Variants in MDM4 observed in about 807,000 individuals in gnomAD.
MDM4 encodes the protein MDM4 regulator of p53.
MDM4 carries 2 observed loss-of-function variants against 60.2 expected under a neutral mutation model. That is an observed-to-expected ratio of 0.03 (90% CI 0.01 to 0.10). The LOEUF (loss-of-function observed/expected upper bound fraction) is 0.10. MDM4 is among the 10% of genes least tolerant of loss of function. MDM4 has a pLI of 1.00. For synonymous variants in MDM4, 202 were observed against 198.1 expected (o/e 1.02, Z -0.17); for missense variants, 447 against 577.5 (o/e 0.77, Z 2.32).
In MDM4 at chr1:204,526,400, C is replaced by T. The variant is rs2102321850; in HGVS notation, c.119C>T (p.Ala40Val). 6.2e-7 allele frequency: 1 copy of T among 1,613,704 alleles called. No individual in the cohort carries two copies. Among genetic ancestry groups the T allele is most frequent in the Non-Finnish European group, 8.5e-7 (1 of 1,179,852 alleles). The change falls in exon 3 of 11, where the codon GCA becomes GTA. Residue 40 changes from alanine to valine, a missense_variant. By Grantham distance (64) the Ala-to-Val change is moderately conservative. Around this residue, in one of 8 missense-constraint regions of MDM4, gnomAD observed 31 missense variants for 87.6 expected, o/e 0.35. Transcript: ENST00000367182. ...CCGCTTTTGAAGATTTTGCATGCAG[C>T]AGGTGCGCAAGGTGAAATGTTCACT... ...KLPLLKILHA[A>V]GAQGEMFTVK...
intron 3 of MDM4, 43 bp from the exon 4 acceptor site, chr1:204,530,641 T>C (rs373360556): frequency 6.3e-7 from 1 of 1,596,178 alleles, no homozygotes; most frequent in South Asian, 1.1e-5. Flanking sequence ...GTGTTTTTGG[T>C]AGCAGCTGGA....
At position 204,538,311 on chromosome 1, in the gene MDM4, A is replaced by G. The variant is rs1055123242; in HGVS notation, c.511+3A>G. The G allele has an allele frequency of 7.3e-6, 11 of 1,500,412 alleles. No homozygotes were observed. Among genetic ancestry groups the G allele is most frequent in the Middle Eastern group, 1.7e-4 (1 of 5,864 alleles). 92.9% of individuals were successfully genotyped at this position (1,500,412 alleles called of 1,614,324 possible). A position where few individuals can be genotyped will look rare whatever the true frequency, so the allele number is the denominator to read the frequency against. On this transcript the variant is annotated splice_donor_region_variant and intron_variant, in intron 7 of 10. Transcript: ENST00000367182. Reference sequence around the variant, plus strand: ...TAAATGCATACATTCTAGAGAAGGTATGTTTTGGATTAAGGCTATATAGAC... The same window carrying G: ...TAAATGCATACATTCTAGAGAAGGTGTGTTTTGGATTAAGGCTATATAGAC...
Position 204,557,858 on chromosome 1 carries a change from C to T in MDM4, c.*8176C>T, listed in dbSNP as rs1663632529. ...GGAAGAAAGCAGCAATTTAAAATAA[C>T]TTTTTGGGAGACTGAATTGAGTAAT... On this transcript the variant is annotated 3_prime_UTR_variant, in exon 11 of 11. Coordinates refer to ENST00000367182, the MANE Select transcript of MDM4 (RefSeq NM_002393.5). 5.3e-6 allele frequency: 1 copy of T among 187,180 alleles called. No individual in the cohort carries two copies. The highest frequency in any genetic ancestry group is 1.1e-5 in the Non-Finnish European group (1 of 88,846). 11.6% of individuals were successfully genotyped at this position (187,180 alleles called of 1,614,324 possible).
In MDM4 at chr1:204,554,186, A is replaced by G; in HGVS notation, c.*4504A>G. The G allele has an allele frequency of 4.4e-6, 1 of 227,094 alleles. No homozygotes were observed. Among genetic ancestry groups the G allele is most frequent in the Non-Finnish European group, 8.8e-6 (1 of 114,278 alleles). The allele number at this position is 227,094 out of a possible 1,614,324, so 14.1% of individuals were successfully genotyped here. A position where few individuals can be genotyped will look rare whatever the true frequency, so the allele number is the denominator to read the frequency against. On this transcript the variant is annotated 3_prime_UTR_variant, in exon 11 of 11. Coordinates refer to ENST00000367182, the MANE Select transcript of MDM4 (RefSeq NM_002393.5). ...GAATATTCTTCTGATCTATAATACA[A>G]AGCTATGTAATGTTACCTCTTGACT...
In MDM4 at chr1:204,549,153, C is replaced by T. The variant is rs1256440438; in HGVS notation, c.944C>T (p.Pro315Leu). ...QCTECKKFNS[P>L]SKRYCFRCWA... Reference sequence around the variant, plus strand: ...ACTGAATGCAAGAAATTTAACTCTCCAAGCAAGAGGTACTGTTTTCGTTGT... The same window carrying T: ...ACTGAATGCAAGAAATTTAACTCTCTAAGCAAGAGGTACTGTTTTCGTTGT... The change falls in exon 11 of 11, where the codon CCA (proline) becomes CTA (leucine). Residue 315 changes from proline (P) to leucine (L), a missense_variant. Physicochemically the swap from Pro to Leu is moderately conservative, Grantham distance 98 (BLOSUM62 -3). Coordinates refer to ENST00000367182, the MANE Select transcript of MDM4 (RefSeq NM_002393.5). 1.9e-6 allele frequency: 3 copies of T among 1,612,898 alleles called. No individual in the cohort carries two copies. The highest frequency in any genetic ancestry group is 2.2e-5 in the East Asian group (1 of 44,876).
At position 204,553,834 on chromosome 1, in the gene MDM4, T is replaced by G. The variant is rs189668120; in HGVS notation, c.*4152T>G. 1 of 219,910 alleles carries G rather than the reference T, an allele frequency of 4.5e-6. No individual in the cohort carries two copies. Among genetic ancestry groups the G allele is most frequent in the African/African-American group, 2.2e-5 (1 of 44,632 alleles). The allele number at this position is 219,910 out of a possible 1,614,324, so 13.6% of individuals were successfully genotyped here. Reference sequence around the variant, plus strand: ...CTTTATAAAAATCTTAGACCAGATCTTTAATATGGTATGCCATTTCCCCAG... The same window carrying G: ...CTTTATAAAAATCTTAGACCAGATCGTTAATATGGTATGCCATTTCCCCAG... On this transcript the variant is annotated 3_prime_UTR_variant, in exon 11 of 11. Coordinates refer to ENST00000367182, the MANE Select transcript of MDM4 (RefSeq NM_002393.5).
At chr1:204,523,255 G>A (rs965843397) in intron 1 of MDM4, among the ~76,000 whole-genome samples, 2 of 147,582 alleles carry the variant, frequency 1.4e-5, no homozygotes, top group Admixed American at 6.7e-5. Flanking sequence ...GGATCACGAG[G>A]TCAGGAGATC....
At chr1:204,525,807 G>A (rs1293164869) in intron 2 of MDM4, among the ~76,000 whole-genome samples, 1 of 152,114 alleles carries the variant, frequency 6.6e-6, no homozygotes, top group Non-Finnish European at 1.5e-5. Context: ...TAGATGCAGT[G>A]GGGTGTGCCT....
At position 204,549,407 on chromosome 1, in the gene MDM4, A is replaced by G. The variant is rs901230245; in HGVS notation, c.1198A>G (p.Ser400Gly). 6.2e-7 allele frequency: 1 copy of G among 1,613,626 alleles called. No individual in the cohort carries two copies. Among genetic ancestry groups the G allele is most frequent in the Non-Finnish European group, 8.5e-7 (1 of 1,179,924 alleles). Residue 400 changes from serine (S) to glycine (G), a missense_variant, in exon 11 of 11, where the codon AGT (serine) becomes GGT (glycine). Transcript: ENST00000367182. ...AGTGGAATTCTTGGATTTGGCTCAC[A>G]GTTCTGAAAGCCAAGAGACCATCTC... is the stretch of plus-strand genomic sequence containing the variant. Reference protein sequence around the residue: ...NSVEFLDLAHSSESQETISSM... With the variant: ...NSVEFLDLAHGSESQETISSM...
chr1:204,553,733 C>G lies in MDM4; in HGVS notation c.*4051C>G, dbSNP rs1663380356. 4.4e-6 allele frequency: 1 copy of G among 225,824 alleles called. No homozygotes were observed. The highest frequency in any genetic ancestry group is 1.8e-4 in the South Asian group (1 of 5,478). The allele number at this position is 225,824 out of a possible 1,614,324, so 14.0% of individuals were successfully genotyped here. On this transcript the variant is annotated 3_prime_UTR_variant, in exon 11 of 11. Coordinates refer to ENST00000367182, the MANE Select transcript of MDM4 (RefSeq NM_002393.5). ...TATTACGGCTAAAAAGTTCTTCTGTCTGAATATTAACTCACTCTCCTTCCA... is the reference window on the plus strand; with the variant it reads ...TATTACGGCTAAAAAGTTCTTCTGTGTGAATATTAACTCACTCTCCTTCCA...
chr1:204,520,261 G>T (rs2102285483), intron 1 of MDM4, among the ~76,000 whole-genome samples: 1 of 139,500 alleles, frequency 7.2e-6, no homozygotes, highest in Admixed American at 7.5e-5. Flanking sequence ...CTGTGCGACA[G>T]AGCGAGACTC....
intron 3 of MDM4, chr1:204,529,547 A>G: frequency 6.7e-7 from 1 of 1,491,360 alleles, no homozygotes. Context: ...CTCCAGGGGC[A>G]GGACCCCCAT....
chr1:204,538,819 C>G (rs573969794), intron 7 of MDM4, among the ~76,000 whole-genome samples: 2 of 150,990 alleles, frequency 1.3e-5, no homozygotes, highest in Non-Finnish European at 2.9e-5. Flanking sequence ...GATTCTTGTG[C>G]CTCAGCCTCC....
At chr1:204,534,246 T>G (rs1331228152) in intron 5 of MDM4, among the ~76,000 whole-genome samples, 1 of 152,252 alleles carries the variant, frequency 6.6e-6, no homozygotes, top group African/African-American at 2.4e-5. Flanking sequence ...GTGAAGATCC[T>G]GCAAATGATA....
chr1:204,517,691 C>G (rs982631163), intron 1 of MDM4, among the ~76,000 whole-genome samples: 2 of 152,078 alleles, frequency 1.3e-5, no homozygotes, highest in South Asian at 2.1e-4. Flanking sequence ...CGTGAGCCAC[C>G]GTGCCCGGCC....
chr1:204,554,920 T>A lies in MDM4; in HGVS notation c.*5238T>A. On this transcript the variant is annotated 3_prime_UTR_variant, in exon 11 of 11. Coordinates refer to ENST00000367182, the MANE Select transcript of MDM4 (RefSeq NM_002393.5). The stretch of plus-strand genomic sequence containing the variant: ...GCCGTTATTGGTGAATACAGCATAG[T>A]TAAATAAACTGTTACAGTAAATCTA... The A allele has an allele frequency of 4.5e-6, 1 of 223,606 alleles. No individual in the cohort carries two copies. The highest frequency in any genetic ancestry group is 8.9e-6 in the Non-Finnish European group (1 of 112,172). The allele number at this position is 223,606 out of a possible 1,614,324, so 13.9% of individuals were successfully genotyped here. A position where few individuals can be genotyped will look rare whatever the true frequency, so the allele number is the denominator to read the frequency against.
At chr1:204,529,537 C>T (rs1660628153) in intron 3 of MDM4, 4 of 1,498,588 alleles carry the variant, frequency 2.7e-6, no homozygotes, top group East Asian at 2.4e-5. Flanking sequence ...CCATAAGGCC[C>T]TCCAGGGGCA....
chr1:204,542,474 C>A (rs10900595), intron 7 of MDM4, among the ~76,000 whole-genome samples: 95,609 of 152,024 alleles, frequency 0.63, 31,624 homozygotes, highest in Non-Finnish European at 0.72. Context: ...ATTCTTTTAG[C>A]ACAAGGTCAT....
rs983172176 is a variant in MDM4 at position 204,554,741 on chromosome 1, T to A, written c.*5059T>A. On this transcript the variant is annotated 3_prime_UTR_variant, in exon 11 of 11. Transcript: ENST00000367182. ...TTGGGAACAGTTTTTCCTGATTGCT[T>A]TGAGAAGTACTTTCTTTTGACAGAA... 4.4e-5 allele frequency: 10 copies of A among 227,024 alleles called. No homozygotes were observed. The highest frequency in any genetic ancestry group is 2.2e-4 in the African/African-American group (10 of 45,040). 14.1% of individuals were successfully genotyped at this position (227,024 alleles called of 1,614,324 possible).
Sources: allele counts gnomAD v4.1 joint callset (sites outside exome capture counted in the v4.1 genomes callset), GRCh38; gene constraint gnomAD v4.1.1; regional missense constraint gnomAD v4.1.1; transcripts MANE v1.5; gene names NCBI Gene and HGNC (gene_info 2026-07-23, HGNC 2026-07-21).